Variants in CACNG5 observed in about 807,000 individuals in gnomAD.
The protein encoded by CACNG5 is voltage-dependent calcium channel gamma-5 subunit.
A neutral mutation model predicts 24.8 loss-of-function variants in CACNG5; 18 were observed. The ratio of observed to expected loss-of-function variants is 0.73; its 90% CI spans 0.50 to 1.08. The LOEUF (loss-of-function observed/expected upper bound fraction) is 1.08, where lower values mean the gene tolerates loss of function less well. Among genes scored for constraint, CACNG5 ranks in the 50% least tolerant of loss-of-function variants. The pLI is 0.00. For synonymous variants in CACNG5, 157 were observed against 149.1 expected, an observed-to-expected ratio of 1.05 and a Z score of -0.39; for missense variants, 349 against 367.9, an observed-to-expected ratio of 0.95 and a Z score of 0.42.
At chr17:66,848,122 C>T (rs774780758) in intron 1 of CACNG5, among the ~76,000 whole-genome samples, 3 of 152,256 alleles carry the variant, frequency 2.0e-5, no homozygotes, top group Non-Finnish European at 4.4e-5. Context: ...TCCAGCTCCA[C>T]CTGAGACTGC....
intron 3 of CACNG5, among the ~76,000 whole-genome samples, chr17:66,879,926 G>A (rs1270785596): frequency 1.3e-5 from 2 of 152,088 alleles, no homozygotes; most frequent in Non-Finnish European, 2.9e-5. Context: ...CTAATCCCAT[G>A]GTTGGTGTTT....
intron 1 of CACNG5, among the ~76,000 whole-genome samples, chr17:66,862,892 CTGTGTGTGTG>C (rs56308917): frequency 0.2 from 28,873 of 142,184 alleles, 3,614 homozygotes; most frequent in East Asian, 0.56. Context: ...AGCATATTCT[CTGTGTGTGTG>C]TGTGTGTGTG....
At chr17:66,847,948 C>T (rs1990339) in intron 1 of CACNG5, among the ~76,000 whole-genome samples, 116,744 of 152,170 alleles carry the variant, frequency 0.77, 45,137 homozygotes, top group South Asian at 0.87. Context: ...GAGCCCAGAC[C>T]CTTGGCCGGG....
At chr17:66,841,997 G>GT (rs1976575933) in intron 1 of CACNG5, among the ~76,000 whole-genome samples, 1 of 152,202 alleles carries the variant, frequency 6.6e-6, no homozygotes, top group Non-Finnish European at 1.5e-5. Context: ...AGGAATCAGA[G>GT]TATCTTCCAT....
chr17:66,844,877 C>A (rs1416072266), intron 1 of CACNG5, among the ~76,000 whole-genome samples: 1 of 152,112 alleles, frequency 6.6e-6, no homozygotes, highest in African/African-American at 2.4e-5. Context: ...CTTTCTGAAC[C>A]CTTGGAATTT....
chr17:66,872,379 G>A (rs36024225), intron 1 of CACNG5, among the ~76,000 whole-genome samples: 22,624 of 152,088 alleles, frequency 0.15, 2,185 homozygotes, highest in East Asian at 0.46. Context: ...CAAGGGTCTA[G>A]GAATACAGTT....
chr17:66,887,691 C>G lies in CACNG5; in HGVS notation c.*2451C>G, dbSNP rs1436618891. Among the ~76,000 whole-genome samples, 4 of 152,142 alleles carry G rather than the reference C, an allele frequency of 2.6e-5. No homozygotes were observed. In the East Asian group the frequency reaches 7.7e-4, roughly 29 times the overall value. ...TTGGTGCACCTGGAAAAAGTAGAAT[C>G]CACTCCTAAATACAAGTTGATTGTG... On this transcript the variant is annotated 3_prime_UTR_variant, in exon 6 of 6. Transcript: ENST00000533854.
intron 1 of CACNG5, among the ~76,000 whole-genome samples, chr17:66,866,969 C>T (rs1976939183): frequency 6.6e-6 from 1 of 152,102 alleles, no homozygotes; most frequent in South Asian, 2.1e-4. Context: ...ATTTATATTC[C>T]TTTGGGTATA....
chr17:66,849,074 G>A (rs963910829), intron 1 of CACNG5, among the ~76,000 whole-genome samples: 1 of 152,140 alleles, frequency 6.6e-6, no homozygotes, highest in Non-Finnish European at 1.5e-5. Flanking sequence ...AGTACCGCGG[G>A]GTTCACCCAG....
chr17:66,852,322 C>T (rs772077377), intron 1 of CACNG5, among the ~76,000 whole-genome samples: 8 of 152,164 alleles, frequency 5.3e-5, no homozygotes, highest in South Asian at 4.1e-4. Context: ...AGCTTGCAGG[C>T]GGCCTGTTGT....
At chr17:66,853,711 A>G (rs60328656) in intron 1 of CACNG5, among the ~76,000 whole-genome samples, 35,680 of 152,172 alleles carry the variant, frequency 0.23, 4,542 homozygotes, top group South Asian at 0.41. Flanking sequence ...CATTATTTCA[A>G]TAAATGCAGA....
At chr17:66,843,563 A>C (rs1976594903) in intron 1 of CACNG5, among the ~76,000 whole-genome samples, 1 of 152,212 alleles carries the variant, frequency 6.6e-6, no homozygotes, top group African/African-American at 2.4e-5. Flanking sequence ...ACTTCTGCTC[A>C]CATAGGGTTG....
Position 66,849,801 on chromosome 17 carries a change from T to A in CACNG5, c.-104+14551T>A, listed in dbSNP as rs866394891. Among the ~76,000 whole-genome samples, 6 of 152,110 alleles carry A rather than the reference T, an allele frequency of 3.9e-5. No individual in the cohort carries two copies. In the South Asian group the frequency reaches 6.2e-4, roughly 16 times the overall value. ...AACACTGTGAATCCCAGGGTCAAGGTCAGGCAATGGAGGCGCACACACCTC... is the reference window on the plus strand; with the variant it reads ...AACACTGTGAATCCCAGGGTCAAGGACAGGCAATGGAGGCGCACACACCTC... On this transcript the variant is annotated intron_variant, in intron 1 of 5. Coordinates refer to ENST00000533854, the MANE Select transcript of CACNG5 (RefSeq NM_145811.3).
chr17:66,875,065 T>A (rs990722503), intron 1 of CACNG5, among the ~76,000 whole-genome samples: 1 of 152,134 alleles, frequency 6.6e-6, no homozygotes, highest in African/African-American at 2.4e-5. Context: ...AGGACCTGGG[T>A]TCTGCCTGTT....
At chr17:66,857,065 G>GTTTTTTTTTTTTTTT (rs56153121) in intron 1 of CACNG5, among the ~76,000 whole-genome samples, 2 of 94,004 alleles carry the variant, frequency 2.1e-5, no homozygotes, top group Non-Finnish European at 4.0e-5. Context: ...CAATTTTTAA[G>GTTTTTTTTTTTTTTT]TTTTTTTTTT....
intron 1 of CACNG5, among the ~76,000 whole-genome samples, chr17:66,856,019 C>T (rs1420127911): frequency 2.0e-5 from 3 of 152,332 alleles, no homozygotes; most frequent in Admixed American, 1.3e-4. Flanking sequence ...CCACATTTTC[C>T]GTCAATGACT....
intron 1 of CACNG5, among the ~76,000 whole-genome samples, chr17:66,837,407 GC>G (rs1976495747): frequency 6.6e-6 from 1 of 152,202 alleles, no homozygotes; most frequent in East Asian, 1.9e-4. Context: ...CCCAGCTTCT[GC>G]CCCGAGCCAT....
At chr17:66,858,584 G>A (rs1245899726) in intron 1 of CACNG5, among the ~76,000 whole-genome samples, 2 of 152,104 alleles carry the variant, frequency 1.3e-5, no homozygotes, top group Non-Finnish European at 2.9e-5. Context: ...TGAGGTTAAC[G>A]CTTGTCCTGC....
At chr17:66,882,874 G>A (rs536497101) in intron 4 of CACNG5, among the ~76,000 whole-genome samples, 11 of 152,174 alleles carry the variant, frequency 7.2e-5, no homozygotes, top group Middle Eastern at 3.4e-3. Context: ...TCTTGTCAAC[G>A]TAGCTTGGGA....
Sources: gnomAD v4.1 joint callset for allele counts (sites outside exome capture counted in the v4.1 genomes callset) on GRCh38, gnomAD v4.1.1 for gene constraint, MANE v1.5 for transcripts, NCBI Gene and HGNC (gene_info 2026-07-23, HGNC 2026-07-21) for gene names.